Variants in PLD3 observed in about 807,000 individuals in gnomAD.
The protein encoded by PLD3 is 5'-3' exonuclease PLD3.
In PLD3, 31 loss-of-function variants were observed where a neutral mutation model predicts 58.4. That is an observed-to-expected ratio of 0.53 (90% CI 0.40 to 0.72). The LOEUF (loss-of-function observed/expected upper bound fraction) is 0.72, where lower values mean the gene tolerates loss of function less well. Ranked by LOEUF, PLD3 falls within the 30% of genes least tolerant of loss-of-function variation. The probability of loss-of-function intolerance (pLI) is 0.00; values close to 1 mark genes in which losing one functional copy is unlikely to be tolerated. For missense variants in PLD3, 595 were observed against 659.8 expected (o/e 0.90, Z 1.08); for synonymous variants, 264 against 273.4 (o/e 0.97, Z 0.34).
intron 10 of PLD3, 198 bp from the exon 11 acceptor site, chr19:40,376,411 A>C: frequency 1.8e-6 from 1 of 549,764 alleles, no homozygotes. Flanking sequence ...GGGGAGCAGG[A>C]ATGGGAGCCA....
At chr19:40,367,178 A>G (rs915698519) in intron 5 of PLD3, 2 of 465,512 alleles carry the variant, frequency 4.3e-6, no homozygotes, top group Non-Finnish European at 3.8e-6. Flanking sequence ...ATCTCAATAC[A>G]CGACCTTCCT....
At position 40,365,867 on chromosome 19, in the gene PLD3, C is replaced by CA. The variant is rs1336385567; in HGVS notation, c.-128dup. 6.5e-6 allele frequency: 1 copy of CA among 154,456 alleles called. No individual in the cohort carries two copies. The highest frequency in any genetic ancestry group is 1.4e-5 in the Non-Finnish European group (1 of 69,402). The allele number at this position is 154,456 out of a possible 1,614,324, so 9.6% of individuals were successfully genotyped here. A position where few individuals can be genotyped will look rare whatever the true frequency, so the allele number is the denominator to read the frequency against. ...CCCACCCTCGTTCAGCCTGTCCAGA[C>CA]AGAAGCTGGGGCCCACCGGAGGTAG... On this transcript the variant is annotated 5_prime_UTR_variant, in exon 2 of 13. Coordinates refer to ENST00000409735, the MANE Select transcript of PLD3 (RefSeq NM_012268.4).
intron 11 of PLD3, among the ~76,000 whole-genome samples, 176 bp from the exon 12 acceptor site, chr19:40,377,610 C>T (rs1406086477): frequency 6.6e-6 from 1 of 152,002 alleles, no homozygotes; most frequent in Non-Finnish European, 1.5e-5. Context: ...CCGGGGCCTC[C>T]CTTTCAGCTT....
At chr19:40,366,964 G>C in intron 5 of PLD3, 49 bp downstream of exon 5, 1 of 1,553,638 alleles carries the variant, frequency 6.4e-7, no homozygotes, top group Non-Finnish European at 8.7e-7. Flanking sequence ...GCCAGACCAG[G>C]TACACTTAAG....
chr19:40,371,565 A>G (rs1029674003), intron 8 of PLD3, 108 bp from the exon 9 acceptor site: 3 of 667,178 alleles, frequency 4.5e-6, no homozygotes, highest in African/African-American at 3.7e-5. Flanking sequence ...GCTGGGGTGG[A>G]GGGGGTACTG....
At chr19:40,363,163 G>A (rs917855674) in intron 1 of PLD3, among the ~76,000 whole-genome samples, 3 of 152,024 alleles carry the variant, frequency 2.0e-5, no homozygotes, top group Non-Finnish European at 2.9e-5. Flanking sequence ...CCTTGCCTTC[G>A]GTTTTGTTTT....
intron 1 of PLD3, among the ~76,000 whole-genome samples, chr19:40,354,790 T>A (rs2145662523): frequency 6.6e-6 from 1 of 151,588 alleles, no homozygotes; most frequent in African/African-American, 2.4e-5. Flanking sequence ...CCTCCCAAAG[T>A]GCTGGGATTA....
chr19:40,366,217 G>A (rs1377267137), intron 2 of PLD3: 5 of 566,782 alleles, frequency 8.8e-6, no homozygotes, highest in Non-Finnish European at 1.6e-5. Context: ...ACTGCAGAGT[G>A]AAGAGCAGGC....
rs1302953804 is a variant in PLD3 at position 40,370,060 on chromosome 19, G to T, written c.550+32G>T. On this transcript the variant is annotated intron_variant, in intron 7 of 12. Coordinates refer to ENST00000409735, the MANE Select transcript of PLD3 (RefSeq NM_012268.4). ...TGGGGCCCAACTGGGGCTGGTCTGG[G>T]CCTGGGGGTACCCAGCCTGGCCCCT... 4 of 1,576,368 alleles carry T rather than the reference G, an allele frequency of 2.5e-6. No homozygotes were observed. The South Asian group carries it at 3.5e-5, about 14-fold the overall frequency.
Position 40,369,134 on chromosome 19 carries a change from A to T in PLD3, c.430-774A>T, listed in dbSNP as rs536200803. Among the ~76,000 whole-genome samples the T allele has an allele frequency of 2.5e-3, 374 of 151,928 alleles. 3 individuals are homozygous for T. Among genetic ancestry groups the T allele is most frequent in the African/African-American group, 8.7e-3 (359 of 41,420 alleles). ...AGTGAAACCCTGTCTCTAAAAAAAAATTTTTTTATGTTAAAAAACCGTATG... is the reference window on the plus strand; with the variant it reads ...AGTGAAACCCTGTCTCTAAAAAAAATTTTTTTTATGTTAAAAAACCGTATG... On this transcript the variant is annotated intron_variant, in intron 6 of 12. Transcript: ENST00000409735.
intron 5 of PLD3, 164 bp downstream of exon 5, chr19:40,367,079 T>C (rs2078944092): frequency 1.5e-6 from 1 of 670,578 alleles, no homozygotes; most frequent in Admixed American, 3.2e-5. Context: ...TCCACACACA[T>C]AGTTTCTATG....
Position 40,374,633 on chromosome 19 carries a change from G to A in PLD3, c.1019+13G>A, listed in dbSNP as rs2079149512. The A allele has an allele frequency of 6.2e-7, 1 of 1,613,900 alleles. No individual in the cohort carries two copies. The highest frequency in any genetic ancestry group is 2.2e-5 in the East Asian group (1 of 44,886). On this transcript the variant is annotated intron_variant, in intron 10 of 12. Coordinates refer to ENST00000409735, the MANE Select transcript of PLD3 (RefSeq NM_012268.4). The stretch of plus-strand genomic sequence containing the variant: ...CCCACCCTCACAGGTACTGCTGGGT[G>A]TGGAGATAGGGAGCCGCTGCAGTTG...
At chr19:40,353,323 A>G (rs1406389255) in intron 1 of PLD3, among the ~76,000 whole-genome samples, 1 of 152,074 alleles carries the variant, frequency 6.6e-6, no homozygotes, top group African/African-American at 2.4e-5. Flanking sequence ...CCACCTACTC[A>G]GGAGGTTGAG....
intron 10 of PLD3, chr19:40,374,881 C>T (rs1568681686): frequency 2.3e-5 from 11 of 482,250 alleles, no homozygotes; most frequent in South Asian, 2.0e-4. Context: ...GAGGGCCGGG[C>T]GTGGTGGCTC....
intron 1 of PLD3, among the ~76,000 whole-genome samples, chr19:40,362,280 G>C (rs1158475172): frequency 6.6e-6 from 1 of 152,192 alleles, no homozygotes; most frequent in Admixed American, 6.6e-5. Flanking sequence ...TTTGCAGATG[G>C]AGAAACCAAG....
intron 1 of PLD3, chr19:40,359,035 C>G (rs779943475): frequency 2.4e-4 from 37 of 152,442 alleles, no homozygotes; most frequent in Non-Finnish European, 4.8e-4. Context: ...CAGATGAGAC[C>G]TGATCTCTTT....
chr19:40,355,656 GGAGCAGGGC>G, intron 1 of PLD3, among the ~76,000 whole-genome samples: 1 of 138,302 alleles, frequency 7.2e-6, no homozygotes, highest in Non-Finnish European at 1.5e-5. Flanking sequence ...CTCAGTTTCT[GGAGCAGGGC>G]TTGTCAGCAA....
At chr19:40,377,655 C>T in intron 11 of PLD3, 131 bp from the exon 12 acceptor site, 1 of 691,382 alleles carries the variant, frequency 1.4e-6, no homozygotes, top group South Asian at 1.7e-5. Context: ...TGGCCCTGTT[C>T]TGGCCCCCGA....
At position 40,378,273 on chromosome 19, in the gene PLD3, C is replaced by G. The variant is rs760201260; in HGVS notation, c.*100C>G. 9.0e-7 allele frequency: 1 copy of G among 1,116,128 alleles called. No individual in the cohort carries two copies. Among genetic ancestry groups the G allele is most frequent in the Non-Finnish European group, 1.4e-6 (1 of 740,636 alleles). 69.1% of individuals were successfully genotyped at this position (1,116,128 alleles called of 1,614,324 possible). A position where few individuals can be genotyped will look rare whatever the true frequency, so the allele number is the denominator to read the frequency against. ...CCCGCGCCCCCGCTTCTGTCTGCCC[C>G]ATTGTGGCTCCTCAGGCTCTCTCCC... On this transcript the variant is annotated 3_prime_UTR_variant, in exon 13 of 13. Coordinates refer to ENST00000409735, the MANE Select transcript of PLD3 (RefSeq NM_012268.4).
Sources: allele counts gnomAD v4.1 joint callset (sites outside exome capture counted in the v4.1 genomes callset), GRCh38; gene constraint gnomAD v4.1.1; transcripts MANE v1.5; gene names NCBI Gene and HGNC (gene_info 2026-07-23, HGNC 2026-07-21).